The following RBM6 variants were observed in gnomAD, a reference collection of about 807,000 sequenced individuals.
RBM6 encodes the protein RNA-binding protein 6.
Under a neutral mutation model 140.4 loss-of-function variants are expected in RBM6, and 23 were observed. The observed-to-expected ratio is 0.16, with a 90% CI of 0.12 to 0.23. RBM6 has a LOEUF of 0.23. Among genes scored for constraint, RBM6 ranks in the 10% least tolerant of loss-of-function variants. RBM6 has a pLI of 1.00. For synonymous variants in RBM6, 439 were observed against 475.6 expected (o/e 0.92, Z 1.00); for missense variants, 1,139 against 1,386.7 (o/e 0.82, Z 2.84).
intron 6 of RBM6, among the ~76,000 whole-genome samples, chr3:50,011,830 CTTTTCTTTCTTTTT>C (rs1394516285): frequency 6.7e-6 from 1 of 148,710 alleles, no homozygotes; most frequent in East Asian, 1.9e-4. Flanking sequence ...CAACATTTTT[CTTTTCTTTCTTTTT>C]TTTTTTTTCT....
chr3:49,957,835 C>CT (rs367565471), intron 1 of RBM6, among the ~76,000 whole-genome samples: 65,211 of 143,492 alleles, frequency 0.45, 15,116 homozygotes, highest in Non-Finnish European at 0.51. Context: ...ATCTTTCTTT[C>CT]TTTTTTTTTT....
intron 1 of RBM6, among the ~76,000 whole-genome samples, chr3:49,947,274 GGGGTT>G (rs1388337305): frequency 1.3e-4 from 11 of 87,622 alleles, no homozygotes; most frequent in Non-Finnish European, 1.7e-4. Flanking sequence ...GGGGGGGGGG[GGGGTT>G]TTGAGCTGGG....
intron 6 of RBM6, among the ~76,000 whole-genome samples, chr3:50,040,445 C>T (rs1477592177): frequency 1.5e-5 from 1 of 67,666 alleles, no homozygotes; most frequent in Non-Finnish European, 2.6e-5. Flanking sequence ...GGCTCCTTCT[C>T]AAAAAAAAAA....
chr3:50,035,622 C>T (rs1414136632), intron 6 of RBM6, among the ~76,000 whole-genome samples: 1 of 151,544 alleles, frequency 6.6e-6, no homozygotes, highest in African/African-American at 2.4e-5. Flanking sequence ...GCGGAGCTTG[C>T]AGTGAGCTGA....
At chr3:49,959,571 GT>G (rs551329901) in intron 1 of RBM6, among the ~76,000 whole-genome samples, 5,688 of 114,128 alleles carry the variant, frequency 0.05, 144 homozygotes, top group Non-Finnish European at 0.068. Flanking sequence ...TATATTTAGG[GT>G]TTTTTTTTTT....
At chr3:49,983,886 A>G (rs966121437) in intron 5 of RBM6, among the ~76,000 whole-genome samples, 17 of 152,304 alleles carry the variant, frequency 1.1e-4, no homozygotes, top group African/African-American at 4.1e-4. Flanking sequence ...CTAGGGAAGA[A>G]TCTGTGATTC....
At chr3:49,975,815 G>A (rs747978342) in intron 5 of RBM6, among the ~76,000 whole-genome samples, 5 of 152,078 alleles carry the variant, frequency 3.3e-5, no homozygotes, top group Non-Finnish European at 5.9e-5. Flanking sequence ...ACAAATTAGT[G>A]GTTTAATTTT....
At chr3:50,059,808 C>T (rs1292309531) in intron 11 of RBM6, 62 bp downstream of exon 11, 6 of 1,302,988 alleles carry the variant, frequency 4.6e-6, no homozygotes, top group Non-Finnish European at 6.5e-6. Flanking sequence ...GAGGAAACTC[C>T]TTTTCCTGGC....
At chr3:50,072,223 C>T (rs1359278098) in intron 19 of RBM6, among the ~76,000 whole-genome samples, 1 of 150,340 alleles carries the variant, frequency 6.7e-6, no homozygotes, top group South Asian at 2.1e-4. Context: ...GCCTGGCCAA[C>T]ATGGTGAAAC....
chr3:50,002,405 G>T (rs2108744473), intron 6 of RBM6, among the ~76,000 whole-genome samples: 1 of 152,126 alleles, frequency 6.6e-6, no homozygotes, highest in Non-Finnish European at 1.5e-5. Context: ...GGGATTACAG[G>T]TGCCCGCCAC....
intron 6 of RBM6, among the ~76,000 whole-genome samples, chr3:50,004,210 T>A (rs867599692): frequency 6.6e-6 from 1 of 152,178 alleles, no homozygotes. Context: ...AAGATAACTC[T>A]GGGAGAGGTA....
At chr3:49,943,166 C>G (rs754273090) in intron 1 of RBM6, among the ~76,000 whole-genome samples, 1 of 152,188 alleles carries the variant, frequency 6.6e-6, no homozygotes, top group Non-Finnish European at 1.5e-5. Flanking sequence ...TGGGTTGCTT[C>G]TGCCTTTTGA....
intron 6 of RBM6, among the ~76,000 whole-genome samples, chr3:50,041,830 C>T (rs1300946537): frequency 6.6e-6 from 1 of 152,186 alleles, no homozygotes; most frequent in African/African-American, 2.4e-5. Context: ...CCTATGAGTC[C>T]ATTTCTTGCA....
intron 15 of RBM6, 112 bp from the exon 16 acceptor site, chr3:50,064,919 G>T: frequency 1.3e-6 from 1 of 787,842 alleles, no homozygotes. Context: ...TGATCCACCT[G>T]CCTTGACCTC....
At chr3:50,005,782 C>T (rs933773655) in intron 6 of RBM6, among the ~76,000 whole-genome samples, 17 of 152,290 alleles carry the variant, frequency 1.1e-4, no homozygotes, top group East Asian at 7.7e-4. Context: ...AACTGTATAA[C>T]TTATGGCTGG....
intron 1 of RBM6, among the ~76,000 whole-genome samples, chr3:49,953,064 C>T (rs550784408): frequency 3.3e-5 from 5 of 150,826 alleles, no homozygotes; most frequent in Non-Finnish European, 7.4e-5. Flanking sequence ...TTCTTCTTTT[C>T]TTTTTTTTTG....
At chr3:49,984,293 A>ACT (rs2085444887) in intron 5 of RBM6, among the ~76,000 whole-genome samples, 1 of 152,060 alleles carries the variant, frequency 6.6e-6, no homozygotes. Context: ...ACAGAGAGAG[A>ACT]CCTTGTCTCA....
At chr3:50,052,734 C>T (rs951849358) in intron 7 of RBM6, among the ~76,000 whole-genome samples, 3 of 152,190 alleles carry the variant, frequency 2.0e-5, no homozygotes, top group South Asian at 2.1e-4. Flanking sequence ...TTCTGTTCCA[C>T]GTGGCTTCTC....
chr3:50,004,804 C>G (rs1266920453), intron 6 of RBM6, among the ~76,000 whole-genome samples: 2 of 151,968 alleles, frequency 1.3e-5, no homozygotes, highest in Admixed American at 6.6e-5. Context: ...ATAACAAACT[C>G]TGTTCGTAAA....
Sources: allele counts gnomAD v4.1 joint callset (sites outside exome capture counted in the v4.1 genomes callset), GRCh38; gene constraint gnomAD v4.1.1; transcripts MANE v1.5; gene names NCBI Gene and HGNC (gene_info 2026-07-23, HGNC 2026-07-21).